Variants in DNAH6 observed in about 807,000 individuals in gnomAD.
DNAH6 encodes the protein axonemal beta dynein heavy chain 6.
A neutral mutation model predicts 491.4 loss-of-function variants in DNAH6; 340 were observed. That is an observed-to-expected ratio of 0.69 (90% CI 0.63 to 0.76). The LOEUF is 0.76. Among genes scored for constraint, DNAH6 ranks in the 30% least tolerant of loss-of-function variants. DNAH6 has a pLI of 0.00. For missense variants in DNAH6, 4,443 were observed against 4,972.2 expected, an observed-to-expected ratio of 0.89 and a Z score of 3.20; for synonymous variants, 1,603 against 1,686.1, an observed-to-expected ratio of 0.95 and a Z score of 1.21.
At chr2:84,704,896 A>G (rs949753089) in intron 51 of DNAH6, among the ~76,000 whole-genome samples, 1 of 152,176 alleles carries the variant, frequency 6.6e-6, no homozygotes, top group African/African-American at 2.4e-5. Context: ...GCACCACATC[A>G]CCACCAGGCT....
rs371361018 is a variant in DNAH6 at position 84,813,145 on chromosome 2, T to C, written c.11998+15T>C. Reference sequence around the variant, plus strand: ...ATTTCTAACAGGTACCAGCGCTTTCTAGAAAAACCCCATAGGAATGGCCAT... The same window carrying C: ...ATTTCTAACAGGTACCAGCGCTTTCCAGAAAAACCCCATAGGAATGGCCAT... On this transcript the variant is annotated intron_variant, in intron 74 of 76. Coordinates refer to ENST00000389394, the MANE Select transcript of DNAH6 (RefSeq NM_001370.2). 3.7e-5 allele frequency: 57 copies of C among 1,541,386 alleles called. No homozygotes were observed. Among genetic ancestry groups the C allele is most frequent in the Non-Finnish European group, 4.7e-5 (54 of 1,138,178 alleles).
intron 14 of DNAH6, among the ~76,000 whole-genome samples, chr2:84,582,580 T>C (rs1228056424): frequency 1.3e-5 from 2 of 152,170 alleles, no homozygotes; most frequent in East Asian, 3.9e-4. Flanking sequence ...GCCTCCTGAG[T>C]AGCTGGGACT....
In DNAH6 at chr2:84,621,511, A is replaced by G. The variant is rs1687391715; in HGVS notation, c.4031A>G (p.His1344Arg). The change falls in exon 26 of 77, where the codon CAT becomes CGT. Residue 1344 changes from histidine (H) to arginine (R), a missense_variant. His to Arg is a conservative substitution (Grantham distance 29, BLOSUM62 0). Transcript: ENST00000389394. ...TECLETEHSN[H>R]IQALKNFEKV... ...TGTCTGGAAACAGAACACAGTAATC[A>G]TATACAGGCCCTGAAGAATTTTGAA... The G allele has an allele frequency of 6.5e-7, 1 of 1,530,538 alleles. No individual in the cohort carries two copies. Among genetic ancestry groups the G allele is most frequent in the Non-Finnish European group, 8.9e-7 (1 of 1,129,684 alleles). The allele number at this position is 1,530,538 out of a possible 1,614,324, so 94.8% of individuals were successfully genotyped here.
At chr2:84,660,768 G>A (rs182912533) in intron 37 of DNAH6, among the ~76,000 whole-genome samples, 23 of 152,154 alleles carry the variant, frequency 1.5e-4, no homozygotes, top group Non-Finnish European at 2.5e-4. Context: ...TGTATAACTC[G>A]ATTCTAATCA....
At position 84,546,857 on chromosome 2, in the gene DNAH6, A is replaced by C. The variant is rs1038982153; in HGVS notation, c.931-411A>C. On this transcript the variant is annotated intron_variant, in intron 5 of 76. Coordinates refer to ENST00000389394, the MANE Select transcript of DNAH6 (RefSeq NM_001370.2). The stretch of plus-strand genomic sequence containing the variant: ...GCAACTTGTTACCCAATAACAATTT[A>C]ATGTTAAATTTGGCTTTCTTCTGTG... Among the ~76,000 whole-genome samples the C allele has an allele frequency of 4.6e-5, 7 of 152,204 alleles. No homozygotes were observed. The South Asian group carries it at 8.3e-4, about 18-fold the overall frequency.
chr2:84,739,785 A>G (rs1365247521), intron 62 of DNAH6, among the ~76,000 whole-genome samples: 1 of 151,930 alleles, frequency 6.6e-6, no homozygotes, highest in Admixed American at 6.6e-5. Context: ...CATATCTTGG[A>G]TCATTTTTCT....
chr2:84,623,379 A>T (rs1336271545), intron 26 of DNAH6, among the ~76,000 whole-genome samples: 1 of 152,206 alleles, frequency 6.6e-6, no homozygotes, highest in East Asian at 1.9e-4. Flanking sequence ...TTGACTCCAA[A>T]TTCAATTCTA....
At chr2:84,571,141 CTAAT>C (rs748037794) in intron 11 of DNAH6, among the ~76,000 whole-genome samples, 8 of 152,238 alleles carry the variant, frequency 5.3e-5, no homozygotes, top group Non-Finnish European at 1.0e-4. Context: ...AATTAACAAA[CTAAT>C]TGAATGAGTG....
At chr2:84,688,167 G>A (rs113314758) in intron 44 of DNAH6, among the ~76,000 whole-genome samples, 5,314 of 149,778 alleles carry the variant, frequency 0.035, 346 homozygotes, top group African/African-American at 0.12. Flanking sequence ...CCAAGGAGGC[G>A]AAGGTTGTGG....
At position 84,734,937 on chromosome 2, in the gene DNAH6, G is replaced by T. The variant is rs147871354; in HGVS notation, c.10342+1358G>T. Among the ~76,000 whole-genome samples the T allele has an allele frequency of 9.9e-3, 1,509 of 152,136 alleles. 25 individuals are homozygous for T. Among genetic ancestry groups the T allele is most frequent in the African/African-American group, 0.034 (1,414 of 41,496 alleles). ...TTTTGAATCAGGGAGTACGTGTGCT[G>T]GTTTGTTACATGGATATATTGCATG... On this transcript the variant is annotated intron_variant, in intron 62 of 76. Coordinates refer to ENST00000389394, the MANE Select transcript of DNAH6 (RefSeq NM_001370.2).
intron 33 of DNAH6, among the ~76,000 whole-genome samples, chr2:84,652,396 C>A (rs534665825): frequency 1.3e-5 from 2 of 151,906 alleles, no homozygotes; most frequent in African/African-American, 4.8e-5. Flanking sequence ...AATTATTATT[C>A]TTGGAGCATG....
At chr2:84,555,156 A>T (rs1679890276) in intron 10 of DNAH6, among the ~76,000 whole-genome samples, 1 of 152,242 alleles carries the variant, frequency 6.6e-6, no homozygotes, top group Non-Finnish European at 1.5e-5. Flanking sequence ...GATTCCAAGC[A>T]CACATACACA....
At chr2:84,760,406 T>C (rs890087997) in intron 63 of DNAH6, among the ~76,000 whole-genome samples, 1 of 152,120 alleles carries the variant, frequency 6.6e-6, no homozygotes, top group Non-Finnish European at 1.5e-5. Flanking sequence ...TTGCAAACTA[T>C]GCATCTGACA....
At chr2:84,617,927 A>G (rs1436750017) in intron 23 of DNAH6, among the ~76,000 whole-genome samples, 1 of 151,980 alleles carries the variant, frequency 6.6e-6, no homozygotes, top group Non-Finnish European at 1.5e-5. Context: ...TCCAGCTTTA[A>G]CACTTTCATA....
chr2:84,690,256 A>G (rs772656069), intron 45 of DNAH6, among the ~76,000 whole-genome samples: 1 of 152,218 alleles, frequency 6.6e-6, no homozygotes, highest in Non-Finnish European at 1.5e-5. Context: ...ACCATAAGCA[A>G]ATAAAGTCTT....
At chr2:84,641,745 C>T (rs78286257) in intron 32 of DNAH6, among the ~76,000 whole-genome samples, 2,266 of 152,250 alleles carry the variant, frequency 0.015, 54 homozygotes, top group East Asian at 0.088. Flanking sequence ...ATGTCCTTGT[C>T]ATTCTCTCCA....
At chr2:84,634,673 G>T in intron 30 of DNAH6, 32 bp downstream of exon 30, 1 of 1,468,888 alleles carries the variant, frequency 6.8e-7, no homozygotes, top group Non-Finnish European at 9.0e-7. Flanking sequence ...TTTCAAGGTA[G>T]CAATCCTTAA....
intron 37 of DNAH6, among the ~76,000 whole-genome samples, chr2:84,662,899 A>T (rs1443191756): frequency 1.3e-5 from 2 of 152,164 alleles, no homozygotes; most frequent in Non-Finnish European, 2.9e-5. Context: ...CCCCTCTGAG[A>T]CAAAGCTTCC....
intron 37 of DNAH6, among the ~76,000 whole-genome samples, chr2:84,666,861 A>G (rs1692180824): frequency 6.6e-6 from 1 of 152,210 alleles, no homozygotes; most frequent in South Asian, 2.1e-4. Flanking sequence ...CTACAAGGCT[A>G]CAGTAACCAA....
Sources: allele counts gnomAD v4.1 joint callset (sites outside exome capture counted in the v4.1 genomes callset), GRCh38; gene constraint gnomAD v4.1.1; transcripts MANE v1.5; gene names NCBI Gene and HGNC (gene_info 2026-07-23, HGNC 2026-07-21).